Variants in SPICE1 observed in about 807,000 individuals in gnomAD.
The protein encoded by SPICE1 is spindle and centriole-associated protein 1.
SPICE1 carries 75 observed loss-of-function variants against 102.7 expected under a neutral mutation model. The ratio of observed to expected loss-of-function variants is 0.73; its 90% CI spans 0.61 to 0.88. SPICE1 has a LOEUF of 0.88. Ranked by LOEUF, SPICE1 falls within the 40% of genes least tolerant of loss-of-function variation. The pLI, the probability that SPICE1 is intolerant of heterozygous loss-of-function variation, is 0.00. For synonymous variants in SPICE1, 308 were observed against 350.3 expected (o/e 0.88, Z 1.35); for missense variants, 979 against 1,020.1 (o/e 0.96, Z 0.55).
intron 11 of SPICE1, among the ~76,000 whole-genome samples, chr3:113,464,257 T>G (rs1336236989): frequency 4.1e-5 from 5 of 121,472 alleles, no homozygotes; most frequent in East Asian, 2.6e-4. Flanking sequence ...TTTTTTGTTG[T>G]TTTTTTTTTT....
intron 1 of SPICE1, among the ~76,000 whole-genome samples, chr3:113,509,849 G>A (rs559127604): frequency 1.1e-3 from 161 of 152,282 alleles, no homozygotes; most frequent in South Asian, 4.1e-3. Flanking sequence ...GAATTCTCAT[G>A]AGATCTGATG....
chr3:113,450,310 T>G, intron 15 of SPICE1, 26 bp downstream of exon 15: 2 of 1,613,270 alleles, frequency 1.2e-6, no homozygotes, highest in Non-Finnish European at 1.7e-6. Context: ...TATTTCTAGT[T>G]TTTAAATCAT....
intron 15 of SPICE1, 25 bp from the exon 16 acceptor site, chr3:113,448,165 T>G (rs1292898773): frequency 6.5e-7 from 1 of 1,533,602 alleles, no homozygotes; most frequent in African/African-American, 1.4e-5. Context: ...TAAATATTAG[T>G]TCCATTACCT....
In SPICE1 at chr3:113,485,025, C is replaced by G. The variant is rs562685691; in HGVS notation, c.611+3920G>C. Among the ~76,000 whole-genome samples the G allele has an allele frequency of 4.6e-5, 7 of 152,272 alleles. No individual in the cohort carries two copies. The South Asian group carries it at 1.5e-3, about 32-fold the overall frequency. ...GACTGAGCCTGAGGAACCTTGCACT[C>G]TGACCCAGATACTGTGCTTTTCCCA... is the stretch of plus-strand genomic sequence containing the variant. On this transcript the variant is annotated intron_variant, in intron 7 of 17. Transcript: ENST00000295872.
chr3:113,467,803 G>A (rs1338284638), intron 10 of SPICE1, among the ~76,000 whole-genome samples: 1 of 152,160 alleles, frequency 6.6e-6, no homozygotes, highest in Non-Finnish European at 1.5e-5. Flanking sequence ...ATAGAATGCA[G>A]ACACAGTTAA....
intron 7 of SPICE1, among the ~76,000 whole-genome samples, chr3:113,474,892 C>T (rs1454605440): frequency 2.0e-5 from 3 of 151,368 alleles, no homozygotes; most frequent in South Asian, 2.1e-4. Context: ...GAAAAGCAAA[C>T]ACATTCAAAA....
Position 113,453,535 on chromosome 3 carries a change from C to T in SPICE1, c.2073G>A (p.Glu691=). 1 of 1,614,156 alleles carries T rather than the reference C, an allele frequency of 6.2e-7. No individual in the cohort carries two copies. The highest frequency in any genetic ancestry group is 8.5e-7 in the Non-Finnish European group (1 of 1,180,028). ...GTCCATCCCCTTGCTCTCCTCTGGG[C>T]TCAATAATATTATTCATATGTGCCT... The part of the protein sequence containing the change: ...AIKAHMNNII[E]PRGEQGDGLR... Residue 691 remains glutamate (E), a synonymous_variant, in exon 14 of 18, where the codon GAG becomes GAA. Coordinates refer to ENST00000295872, the MANE Select transcript of SPICE1 (RefSeq NM_144718.4).
At chr3:113,480,134 A>C (rs1936457109) in intron 7 of SPICE1, among the ~76,000 whole-genome samples, 2 of 152,052 alleles carry the variant, frequency 1.3e-5, no homozygotes, top group African/African-American at 4.8e-5. Context: ...GAAATGGAAA[A>C]TTTCCTAAGA....
In SPICE1 at chr3:113,444,168, T is replaced by C. The variant is rs1935458917; in HGVS notation, c.*1139A>G. 2 of 151,780 alleles carry C rather than the reference T, an allele frequency of 1.3e-5. No individual in the cohort carries two copies. Among genetic ancestry groups the C allele is most frequent in the South Asian group, 2.1e-4 (1 of 4,790 alleles). The allele number at this position is 151,780 out of a possible 1,614,324, so 9.4% of individuals were successfully genotyped here. On this transcript the variant is annotated 3_prime_UTR_variant, in exon 18 of 18. Coordinates refer to ENST00000295872, the MANE Select transcript of SPICE1 (RefSeq NM_144718.4). The stretch of plus-strand genomic sequence containing the variant: ...GATCATTCAAAAAACAAGTTTAAAA[T>C]AGAAATAAACATCTCAGAACCAAAA...
At chr3:113,482,490 A>C (rs1451779676) in intron 7 of SPICE1, among the ~76,000 whole-genome samples, 1 of 152,154 alleles carries the variant, frequency 6.6e-6, no homozygotes, top group Admixed American at 6.5e-5. Flanking sequence ...GTGTATGCCT[A>C]TGTCCTGAAT....
In SPICE1 at chr3:113,508,568, A is replaced by G. The variant is rs149995417; in HGVS notation, c.1-1963T>C. ...GAAATGCCAATCAAGATACCACCTC[A>G]CACCGACTAGGATGGCTATAATCAA... On this transcript the variant is annotated intron_variant, in intron 1 of 17. Coordinates refer to ENST00000295872, the MANE Select transcript of SPICE1 (RefSeq NM_144718.4). Among the ~76,000 whole-genome samples, 4 of 152,276 alleles carry G rather than the reference A, an allele frequency of 2.6e-5. No homozygotes were observed. The East Asian group carries it at 5.8e-4, about 22-fold the overall frequency.
At chr3:113,460,519 CA>C in intron 12 of SPICE1, 97 bp downstream of exon 12, 1 of 1,490,928 alleles carries the variant, frequency 6.7e-7, no homozygotes, top group South Asian at 1.5e-5. Flanking sequence ...CATAAACAGT[CA>C]ATAAGTCTAT....
chr3:113,450,808 C>A (rs1398125980), intron 14 of SPICE1, among the ~76,000 whole-genome samples: 2 of 135,348 alleles, frequency 1.5e-5, no homozygotes, highest in South Asian at 2.4e-4. Flanking sequence ...CATCTCCTGA[C>A]CTCGTGATCC....
chr3:113,443,294 T>C lies in SPICE1; in HGVS notation c.*2013A>G, dbSNP rs1362074504. The C allele has an allele frequency of 6.6e-6, 1 of 152,230 alleles. No individual in the cohort carries two copies. Among genetic ancestry groups the C allele is most frequent in the East Asian group, 1.9e-4 (1 of 5,204 alleles). The allele number at this position is 152,230 out of a possible 1,614,324, so 9.4% of individuals were successfully genotyped here. On this transcript the variant is annotated 3_prime_UTR_variant, in exon 18 of 18. Transcript: ENST00000295872. Reference sequence around the variant, plus strand: ...CACAGCTCAAGTGGCAGAAATGGCATTTGAGGCAAGATTTCTGGTTTCAGT... The same window carrying C: ...CACAGCTCAAGTGGCAGAAATGGCACTTGAGGCAAGATTTCTGGTTTCAGT...
intron 17 of SPICE1, among the ~76,000 whole-genome samples, chr3:113,446,246 G>A (rs1935509918): frequency 6.6e-6 from 1 of 152,126 alleles, no homozygotes; most frequent in Non-Finnish European, 1.5e-5. Context: ...CAAGCACAAG[G>A]ACTGGGGGAA....
At position 113,459,384 on chromosome 3, in the gene SPICE1, C is replaced by A. The variant is rs1479480073; in HGVS notation, c.1435+1233G>T. ...TGTCCTACGACCCTGCCAAATCCCC[C>A]TCTCCGAGAAACACCCAAGAATGAT... On this transcript the variant is annotated intron_variant, in intron 12 of 17. Transcript: ENST00000295872. 3.7e-6 allele frequency: 3 copies of A among 808,570 alleles called. No individual in the cohort carries two copies. In the African/African-American group the frequency reaches 5.6e-5, roughly 15 times the overall value. 50.1% of individuals were successfully genotyped at this position (808,570 alleles called of 1,614,324 possible).
intron 1 of SPICE1, among the ~76,000 whole-genome samples, chr3:113,513,545 C>G (rs902616885): frequency 6.6e-6 from 1 of 152,182 alleles, no homozygotes; most frequent in South Asian, 2.1e-4. Flanking sequence ...TCTCTACTTG[C>G]TGATATATAA....
Position 113,450,349 on chromosome 3 carries a change from G to A in SPICE1, c.2310C>T (p.Leu770=). 6.2e-7 allele frequency: 1 copy of A among 1,614,060 alleles called. No individual in the cohort carries two copies. Among genetic ancestry groups the A allele is most frequent in the Non-Finnish European group, 8.5e-7 (1 of 1,180,004 alleles). The change falls in exon 15 of 18, where the codon CTC becomes CTT. Residue 770 remains leucine (L), a synonymous_variant. Coordinates refer to ENST00000295872, the MANE Select transcript of SPICE1 (RefSeq NM_144718.4). ...TTTGTGACCAACCAGTCCATGCTCTGAGAGGTAACTGAACAGGTGACATTG... is the reference window on the plus strand; with the variant it reads ...TTTGTGACCAACCAGTCCATGCTCTAAGAGGTAACTGAACAGGTGACATTG... ...SPPMSPVQLP[L]RAWTEGAKRT... is the part of the protein sequence containing the mutation.
At chr3:113,476,532 C>G (rs1009232961) in intron 7 of SPICE1, among the ~76,000 whole-genome samples, 7 of 145,108 alleles carry the variant, frequency 4.8e-5, no homozygotes, top group Admixed American at 4.7e-4. Flanking sequence ...TGACTTCAAA[C>G]TATACTACAA....
Sources: allele counts gnomAD v4.1 joint callset (sites outside exome capture counted in the v4.1 genomes callset), GRCh38; gene constraint gnomAD v4.1.1; transcripts MANE v1.5; gene names NCBI Gene and HGNC (gene_info 2026-07-23, HGNC 2026-07-21).